NCS1: variants seen among roughly 807,000 people sequenced by gnomAD.
The protein encoded by NCS1 is neuronal calcium sensor 1, also known as frequenin homolog.
A neutral mutation model predicts 28.4 loss-of-function variants in NCS1; 6 were observed. The ratio of observed to expected loss-of-function variants is 0.21; its 90% CI spans 0.12 to 0.42. The LOEUF (loss-of-function observed/expected upper bound fraction) is 0.42, where lower values mean the gene tolerates loss of function less well. Among genes scored for constraint, NCS1 ranks in the 10% least tolerant of loss-of-function variants. NCS1 has a pLI of 1.00. For missense variants in NCS1, 131 were observed against 241.4 expected, an observed-to-expected ratio of 0.54 and a Z score of 3.03; for synonymous variants, 86 against 99.3, an observed-to-expected ratio of 0.87 and a Z score of 0.79.
chr9:130,173,510 C>G (rs1051000378), intron 1 of NCS1, among the ~76,000 whole-genome samples: 1 of 152,298 alleles, frequency 6.6e-6, no homozygotes, highest in East Asian at 1.9e-4. Flanking sequence ...TTTCTCCATA[C>G]CAGGCTTCCC....
intron 7 of NCS1, among the ~76,000 whole-genome samples, chr9:130,229,543 G>A (rs895411533): frequency 2.0e-5 from 3 of 152,184 alleles, no homozygotes; most frequent in South Asian, 4.1e-4. Flanking sequence ...GTGGGCCATC[G>A]CGCCTGGCCA....
Position 130,219,521 on chromosome 9 carries a change from AC to A in NCS1, c.229-198del, listed in dbSNP as rs1833242966. ...TCCCTCCTGGCCTCTCCCACTTCTA[AC>A]CCCCCACACAGTCCCCCAGCCTCTG... On this transcript the variant is annotated intron_variant, in intron 3 of 7. Transcript: ENST00000372398. The surrounding 1 kb of genome is among the most constrained non-coding windows in gnomAD (Gnocchi z 5.7). Among the ~76,000 whole-genome samples, 1 of 146,930 alleles carries A rather than the reference AC, an allele frequency of 6.8e-6. No individual in the cohort carries two copies. The highest frequency in any genetic ancestry group is 2.3e-4 in the South Asian group (1 of 4,428).
At chr9:130,203,046 A>ATGTGTGTGTGTGTGTGTGTGTGTGTGTG (rs113946626) in intron 2 of NCS1, among the ~76,000 whole-genome samples, 41 of 142,710 alleles carry the variant, frequency 2.9e-4, no homozygotes, top group African/African-American at 1.1e-3. Flanking sequence ...CAGGGTAAAT[A>ATGTGTGTGTGTGTGTGTGTGTGTGTGTG]TGTGTGTGTG....
At chr9:130,212,855 C>T (rs1468880867) in intron 2 of NCS1, among the ~76,000 whole-genome samples, 9 of 152,088 alleles carry the variant, frequency 5.9e-5, no homozygotes, top group Non-Finnish European at 1.3e-4. Context: ...CTGACTCAGC[C>T]AGCCGGTGGC....
intron 2 of NCS1, among the ~76,000 whole-genome samples, chr9:130,212,553 G>C (rs1554908907): frequency 6.6e-6 from 1 of 150,594 alleles, no homozygotes; most frequent in East Asian, 2.0e-4. Context: ...GTGGGGAAGG[G>C]GTTTGCTCAG....
chr9:130,214,769 C>T (rs1554909150), intron 2 of NCS1, among the ~76,000 whole-genome samples: 1 of 152,118 alleles, frequency 6.6e-6, no homozygotes, highest in Non-Finnish European at 1.5e-5. Flanking sequence ...AGGCTGGGCA[C>T]CCTCTCATGG....
intron 2 of NCS1, among the ~76,000 whole-genome samples, chr9:130,213,340 T>C (rs1349948831): frequency 2.0e-5 from 3 of 152,232 alleles, no homozygotes; most frequent in Admixed American, 2.0e-4. Context: ...TGCAGTGGCG[T>C]GATCTCGGCT....
chr9:130,188,660 C>G (rs954616950), intron 1 of NCS1, among the ~76,000 whole-genome samples: 4 of 151,880 alleles, frequency 2.6e-5, no homozygotes, highest in Non-Finnish European at 5.9e-5. Context: ...CACCCGCCTT[C>G]TTGGCCTCCC....
In NCS1 at chr9:130,234,598, T is replaced by C. The variant is rs1833552681; in HGVS notation, c.*1626T>C. 1 of 152,322 alleles carries C rather than the reference T, an allele frequency of 6.6e-6. No homozygotes were observed. Among genetic ancestry groups the C allele is most frequent in the South Asian group, 2.1e-4 (1 of 4,838 alleles). The allele number at this position is 152,322 out of a possible 1,614,324, so 9.4% of individuals were successfully genotyped here. A position where few individuals can be genotyped will look rare whatever the true frequency, so the allele number is the denominator to read the frequency against. ...ATGTCACTCTAGGCCTGGGGTTCAG[T>C]TTCCTGTGGCTGGTGATGCTGTGGT... On this transcript the variant is annotated 3_prime_UTR_variant, in exon 8 of 8. Coordinates refer to ENST00000372398, the MANE Select transcript of NCS1 (RefSeq NM_014286.4). This position sits in a 1 kb window ranked among gnomAD's most constrained non-coding sequence, Gnocchi z 6.1.
chr9:130,190,694 C>T (rs1294233854), intron 1 of NCS1, among the ~76,000 whole-genome samples: 3 of 152,208 alleles, frequency 2.0e-5, no homozygotes, highest in African/African-American at 7.2e-5. Flanking sequence ...CAGGATCATC[C>T]TTGGGGATGA....
At position 130,219,109 on chromosome 9, in the gene NCS1, C is replaced by G. The variant is rs1038872157; in HGVS notation, c.229-616C>G. ...GCACGGATAGCTGTTGGGTTATCTG[C>G]GATGACCCTGATTCTGTCCTGCAGT... On this transcript the variant is annotated intron_variant, in intron 3 of 7. Coordinates refer to ENST00000372398, the MANE Select transcript of NCS1 (RefSeq NM_014286.4). This position sits in a 1 kb window ranked among gnomAD's most constrained non-coding sequence, Gnocchi z 5.7. Among the ~76,000 whole-genome samples, 1 of 152,098 alleles carries G rather than the reference C, an allele frequency of 6.6e-6. No homozygotes were observed. The highest frequency in any genetic ancestry group is 1.5e-5 in the Non-Finnish European group (1 of 68,016).
In NCS1 at chr9:130,177,816, G is replaced by A. The variant is rs782521187; in HGVS notation, c.64+5089G>A. Among the ~76,000 whole-genome samples, 1 of 152,210 alleles carries A rather than the reference G, an allele frequency of 6.6e-6. No homozygotes were observed. Among genetic ancestry groups the A allele is most frequent in the African/African-American group, 2.4e-5 (1 of 41,456 alleles). ...CGGGGAGCGGGCCAGAAAGACAAAG[G>A]GGTTGTTTGGCAGGAGAGTCCCTGG... On this transcript the variant is annotated intron_variant, in intron 1 of 7. Transcript: ENST00000372398. This position sits in a 1 kb window ranked among gnomAD's most constrained non-coding sequence, Gnocchi z 4.4.
rs546149137 is a variant in NCS1 at position 130,211,448 on chromosome 9, G to A, written c.90-6384G>A. On this transcript the variant is annotated intron_variant, in intron 2 of 7. Transcript: ENST00000372398. ...CTCGGGATAACGGGTTGTTCCTGGT[G>A]CCATCTCTACTCCTCCACCCTGGCC... Among the ~76,000 whole-genome samples, 17 of 151,674 alleles carry A rather than the reference G, an allele frequency of 1.1e-4. No homozygotes were observed. The South Asian group carries it at 3.6e-3, about 32-fold the overall frequency.
rs1025581838 is a variant in NCS1 at position 130,181,157 on chromosome 9, C to T, written c.64+8430C>T. Among the ~76,000 whole-genome samples, 3 of 152,164 alleles carry T rather than the reference C, an allele frequency of 2.0e-5. No individual in the cohort carries two copies. Among genetic ancestry groups the T allele is most frequent in the African/African-American group, 7.2e-5 (3 of 41,430 alleles). On this transcript the variant is annotated intron_variant, in intron 1 of 7. Coordinates refer to ENST00000372398, the MANE Select transcript of NCS1 (RefSeq NM_014286.4). This position sits in a 1 kb window ranked among gnomAD's most constrained non-coding sequence, Gnocchi z 5.0. The stretch of plus-strand genomic sequence containing the variant: ...GGAAGGTACGTCAGGGCCCCAGGGA[C>T]GGAGTGTGCTTGGGCTGTGGTGTTC...
rs782043846 is a variant in NCS1, at chr9:130,186,790, C to T, written c.64+14063C>T. On this transcript the variant is annotated intron_variant, in intron 1 of 7. Transcript: ENST00000372398. The surrounding 1 kb of genome is among the most constrained non-coding windows in gnomAD (Gnocchi z 4.1). ...GCAACTCTGGGGACATGAAATTGCA[C>T]GGTGACTGCAGCATAGAGGGCCTGT... Among the ~76,000 whole-genome samples the T allele has an allele frequency of 4.6e-5, 7 of 152,192 alleles. No individual in the cohort carries two copies. The highest frequency in any genetic ancestry group is 7.4e-5 in the Non-Finnish European group (5 of 68,016).
chr9:130,211,763 G>A (rs1554908813), intron 2 of NCS1, among the ~76,000 whole-genome samples: 2 of 152,184 alleles, frequency 1.3e-5, no homozygotes, highest in African/African-American at 4.8e-5. Flanking sequence ...ACAGGAGTGG[G>A]CGGTGCAGGT....
chr9:130,203,595 G>A (rs1268905146), intron 2 of NCS1, among the ~76,000 whole-genome samples: 2 of 152,168 alleles, frequency 1.3e-5, no homozygotes, highest in African/African-American at 4.8e-5. Context: ...CCCGATTGTG[G>A]CTGCTCATGA....
chr9:130,173,544 G>T (rs1353183199), intron 1 of NCS1, among the ~76,000 whole-genome samples: 1 of 152,182 alleles, frequency 6.6e-6, no homozygotes, highest in Non-Finnish European at 1.5e-5. Context: ...CTCTCCGGAG[G>T]TGCCCTGGCA....
chr9:130,200,516 C>G, intron 1 of NCS1: 1 of 1,522,322 alleles, frequency 6.6e-7, no homozygotes, highest in Non-Finnish European at 8.9e-7. Flanking sequence ...CAGCCTAGCT[C>G]CCCCCACCCC....
Sources: allele counts gnomAD v4.1 joint callset (sites outside exome capture counted in the v4.1 genomes callset), GRCh38; gene constraint gnomAD v4.1.1; non-coding constraint Gnocchi (gnomAD v3.1); transcripts MANE v1.5; gene names NCBI Gene and HGNC (gene_info 2026-07-23, HGNC 2026-07-21).